Variants in SEMA3D observed in about 807,000 individuals in gnomAD.
The protein encoded by SEMA3D is semaphorin-3D.
A neutral mutation model predicts 100.1 loss-of-function variants in SEMA3D; 84 were observed. That is an observed-to-expected ratio of 0.84 (90% CI 0.70 to 1.01). SEMA3D has a LOEUF of 1.01. Among genes scored for constraint, SEMA3D ranks in the 50% least tolerant of loss-of-function variants. The pLI is 0.00. For missense variants in SEMA3D, 875 were observed against 934.1 expected (o/e 0.94, Z 0.82); for synonymous variants, 312 against 320.7 (o/e 0.97, Z 0.29).
chr7:85,212,760 A>ATTAG, the SEMA3D span, among the ~76,000 whole-genome samples: 1 of 152,206 alleles, frequency 6.6e-6, no homozygotes, highest in South Asian at 2.1e-4. Context: ...ATAGATTTAT[A>ATTAG]TTAGTGTCTT....
chr7:85,058,390 A>G (rs186551700), intron 8 of SEMA3D, among the ~76,000 whole-genome samples: 8 of 152,238 alleles, frequency 5.3e-5, no homozygotes, highest in Non-Finnish European at 1.0e-4. Context: ...TCACTGAGCA[A>G]AGTAAAAATC....
chr7:85,102,823 T>G lies in SEMA3D; in HGVS notation c.152-4858A>C, dbSNP rs74757472. Reference sequence around the variant, plus strand: ...CACAGTGAGAAAAATAAATATAAAGTTGATATAGCCACTTGCTTTATTTTC... The same window carrying G: ...CACAGTGAGAAAAATAAATATAAAGGTGATATAGCCACTTGCTTTATTTTC... On this transcript the variant is annotated intron_variant, in intron 3 of 18. Transcript: ENST00000284136. Among the ~76,000 whole-genome samples, 1,324 of 152,086 alleles carry G rather than the reference T, an allele frequency of 8.7e-3. 22 individuals carry two copies. The highest frequency in any genetic ancestry group is 0.03 in the African/African-American group (1,258 of 41,528).
At chr7:85,037,062 C>A in intron 11 of SEMA3D, 29 bp from the exon 12 acceptor site, 4 of 1,602,946 alleles carry the variant, frequency 2.5e-6, no homozygotes, top group Non-Finnish European at 3.4e-6. Flanking sequence ...ATCATTCAAT[C>A]ATTCACTGAT....
At chr7:85,160,058 A>G (rs1190651476) in intron 1 of SEMA3D, 1 of 933,876 alleles carries the variant, frequency 1.1e-6, no homozygotes, top group Non-Finnish European at 1.3e-6. Flanking sequence ...ATTGAACTGC[A>G]AACAGTAATA....
chr7:85,179,336 G>A (rs957402286), intron 1 of SEMA3D, among the ~76,000 whole-genome samples: 3 of 152,208 alleles, frequency 2.0e-5, no homozygotes, highest in Non-Finnish European at 4.4e-5. Flanking sequence ...GCAGCCAGGA[G>A]TGGGGCTGTA....
chr7:85,000,142 T>A (rs548836636), intron 18 of SEMA3D, among the ~76,000 whole-genome samples: 1 of 152,202 alleles, frequency 6.6e-6, no homozygotes, highest in African/African-American at 2.4e-5. Context: ...TCTCTCAATA[T>A]GCAGATAGGA....
chr7:85,239,995 A>G, the SEMA3D span, among the ~76,000 whole-genome samples: 17 of 152,146 alleles, frequency 1.1e-4, no homozygotes, highest in Non-Finnish European at 2.2e-4. Context: ...GTTAGGTCTA[A>G]CATTCATTTG....
At chr7:85,151,526 A>G (rs925757444) in intron 2 of SEMA3D, 19 of 605,978 alleles carry the variant, frequency 3.1e-5, no homozygotes, top group South Asian at 7.3e-5. Flanking sequence ...AGAACTAGGG[A>G]TTAGACAATA....
At chr7:85,204,506 A>C in the SEMA3D span, among the ~76,000 whole-genome samples, 1 of 152,144 alleles carries the variant, frequency 6.6e-6, no homozygotes, top group Non-Finnish European at 1.5e-5. Flanking sequence ...CTTAAACTTA[A>C]GTACTAAGTA....
Position 85,151,603 on chromosome 7 carries a change from G to A in SEMA3D, c.-41+2005C>T, listed in dbSNP as rs1034400426. The A allele has an allele frequency of 1.5e-4, 72 of 474,668 alleles. No individual in the cohort carries two copies. The African/African-American group carries it at 2.9e-3, about 19-fold the overall frequency. 29.4% of individuals were successfully genotyped at this position (474,668 alleles called of 1,614,324 possible). ...TGTGTATGCATGTGTGTATGCGTGT[G>A]TGTGTGTGTGTGTGTGTGTGTGTGT... is the stretch of plus-strand genomic sequence containing the variant. On this transcript the variant is annotated intron_variant, in intron 2 of 18. Coordinates refer to ENST00000284136, the MANE Select transcript of SEMA3D (RefSeq NM_001384900.1).
At chr7:85,240,705 G>A in the SEMA3D span, among the ~76,000 whole-genome samples, 1 of 152,110 alleles carries the variant, frequency 6.6e-6, no homozygotes, top group Admixed American at 6.6e-5. Context: ...ATCTTCTTAT[G>A]TGAACTTTGG....
intron 4 of SEMA3D, among the ~76,000 whole-genome samples, chr7:85,091,079 AG>A (rs1788374514): frequency 7.4e-6 from 1 of 134,426 alleles, no homozygotes; most frequent in Non-Finnish European, 1.5e-5. Flanking sequence ...AGAAAGAGAA[AG>A]AGAGAGAAAG....
At chr7:85,205,014 G>T in the SEMA3D span, among the ~76,000 whole-genome samples, 3 of 152,034 alleles carry the variant, frequency 2.0e-5, no homozygotes, top group African/African-American at 7.2e-5. Flanking sequence ...ATGTGGTTTT[G>T]ATTTGCATTT....
chr7:85,167,283 G>T (rs1790933201), intron 1 of SEMA3D: 1 of 984,978 alleles, frequency 1.0e-6, no homozygotes, highest in African/African-American at 1.7e-5. Context: ...ATAGAGAAGT[G>T]AGGCCAAGAG....
At chr7:85,071,651 T>C (rs757244266) in intron 6 of SEMA3D, among the ~76,000 whole-genome samples, 2 of 152,224 alleles carry the variant, frequency 1.3e-5, no homozygotes, top group Non-Finnish European at 2.9e-5. Flanking sequence ...ACCTAGGGTA[T>C]ATGGCATAGC....
In SEMA3D at chr7:85,068,218, G is replaced by T; in HGVS notation, c.562C>A (p.Gln188Lys). Residue 188 changes from glutamine to lysine, a missense_variant, in exon 7 of 19, where the codon CAG becomes AAG. By Grantham distance (53) the Gln-to-Lys change is moderately conservative. Coordinates refer to ENST00000284136, the MANE Select transcript of SEMA3D (RefSeq NM_001384900.1). Reference sequence around the variant, plus strand: ...GTCATTACTGAAGCAAAAGGCTGCTGAGGATCGAAAGGACATTTCAGTCTG... The same window carrying T: ...GTCATTACTGAAGCAAAAGGCTGCTTAGGATCGAAAGGACATTTCAGTCTG... ...SGRLKCPFDP[Q>K]QPFASVMTDE... The T allele has an allele frequency of 6.2e-7, 1 of 1,606,152 alleles. No homozygotes were observed. Among genetic ancestry groups the T allele is most frequent in the Non-Finnish European group, 8.5e-7 (1 of 1,172,868 alleles).
chr7:85,108,930 G>T (rs1789009878), intron 3 of SEMA3D, among the ~76,000 whole-genome samples: 1 of 149,232 alleles, frequency 6.7e-6, no homozygotes. Context: ...AATTTAACAT[G>T]CATTTACTTG....
At chr7:85,108,660 C>T (rs1789002034) in intron 3 of SEMA3D, among the ~76,000 whole-genome samples, 1 of 152,024 alleles carries the variant, frequency 6.6e-6, no homozygotes, top group African/African-American at 2.4e-5. Flanking sequence ...CTCAGCTTGC[C>T]TGCATTAAAG....
intron 18 of SEMA3D, among the ~76,000 whole-genome samples, chr7:85,001,455 G>A (rs1016223069): frequency 6.6e-6 from 1 of 152,156 alleles, no homozygotes; most frequent in Non-Finnish European, 1.5e-5. Context: ...AAATAAATGT[G>A]AATTTGAATT....
Sources: gnomAD v4.1 joint callset for allele counts (sites outside exome capture counted in the v4.1 genomes callset) on GRCh38, gnomAD v4.1.1 for gene constraint, MANE v1.5 for transcripts, NCBI Gene and HGNC (gene_info 2026-07-23, HGNC 2026-07-21) for gene names.